TET1: variants seen among roughly 807,000 people sequenced by gnomAD.
TET1 encodes the protein methylcytosine dioxygenase TET1.
TET1 carries 13 observed loss-of-function variants against 148.7 expected under a neutral mutation model. That is an observed-to-expected ratio of 0.09 (90% CI 0.06 to 0.14). The LOEUF is 0.14. Ranked by LOEUF, TET1 falls within the 10% of genes least tolerant of loss-of-function variation. The pLI is 1.00. For synonymous variants in TET1, 907 were observed against 937.2 expected (o/e 0.97, Z 0.59); for missense variants, 2,182 against 2,553.8 (o/e 0.85, Z 3.14).
Position 68,691,964 on chromosome 10 carries a change from G to A in TET1, c.*150G>A. On this transcript the variant is annotated 3_prime_UTR_variant, in exon 12 of 12. Coordinates refer to ENST00000373644, the MANE Select transcript of TET1 (RefSeq NM_030625.3). The surrounding 1 kb of genome is among the most constrained non-coding windows in gnomAD (Gnocchi z 4.4). ...TAATAATGATAACAAAACGGGGTGG[G>A]TATTCTTAACTGTGACTATATTTTG... 1.1e-6 allele frequency: 1 copy of A among 940,892 alleles called. No individual in the cohort carries two copies. The highest frequency in any genetic ancestry group is 1.6e-5 in the African/African-American group (1 of 60,890). The allele number at this position is 940,892 out of a possible 1,614,324, so 58.3% of individuals were successfully genotyped here.
chr10:68,609,500 T>C (rs116433119), intron 3 of TET1, among the ~76,000 whole-genome samples: 3,980 of 152,286 alleles, frequency 0.026, 169 homozygotes, highest in African/African-American at 0.09. Context: ...GAGACCAGGT[T>C]TCCCTGTGTT....
chr10:68,585,052 T>G (rs1341798962), intron 2 of TET1, among the ~76,000 whole-genome samples: 1 of 152,134 alleles, frequency 6.6e-6, no homozygotes, highest in African/African-American at 2.4e-5. Flanking sequence ...TTGCCCAGTC[T>G]TGAGTGCAAT....
chr10:68,658,144 T>C (rs1221655574), intron 6 of TET1, among the ~76,000 whole-genome samples: 1 of 152,220 alleles, frequency 6.6e-6, no homozygotes, highest in East Asian at 1.9e-4. Flanking sequence ...TCTCCATGTA[T>C]ATGCTTAGGT....
chr10:68,582,232 T>C (rs898892800), intron 2 of TET1, among the ~76,000 whole-genome samples: 3 of 152,132 alleles, frequency 2.0e-5, no homozygotes, highest in Non-Finnish European at 4.4e-5. Flanking sequence ...CCCGAGTAGC[T>C]GGGATTACAG....
Position 68,645,201 on chromosome 10 carries a change from A to G in TET1, c.2472A>G (p.Val824=), listed in dbSNP as rs201893869. The G allele has an allele frequency of 6.2e-7, 1 of 1,614,174 alleles. No homozygotes were observed. Among genetic ancestry groups the G allele is most frequent in the East Asian group, 2.2e-5 (1 of 44,880 alleles). ...TCAAGGGGAGAAGTAACGTTTTAGTATTCCAGCAGCCTGGCTTTAACTGCA... is the reference window on the plus strand; with the variant it reads ...TCAAGGGGAGAAGTAACGTTTTAGTGTTCCAGCAGCCTGGCTTTAACTGCA... ...DHLKGRSNVL[V]FQQPGFNCSS... is the part of the protein sequence containing the mutation. Residue 824 remains valine (V), a synonymous_variant, in exon 4 of 12, where the codon GTA becomes GTG. Coordinates refer to ENST00000373644, the MANE Select transcript of TET1 (RefSeq NM_030625.3).
At position 68,655,912 on chromosome 10, in the gene TET1, C is replaced by A. The variant is rs1421155737; in HGVS notation, c.4461+3318C>A. The stretch of plus-strand genomic sequence containing the variant: ...AGCTTCATCTGTATTTACAGCCACT[C>A]CTCATTGCTAGTATTACCACCTGAG... On this transcript the variant is annotated intron_variant, in intron 6 of 11. Coordinates refer to ENST00000373644, the MANE Select transcript of TET1 (RefSeq NM_030625.3). Among the ~76,000 whole-genome samples the A allele has an allele frequency of 3.3e-5, 5 of 152,064 alleles. 1 individual carries two copies. Among genetic ancestry groups the A allele is most frequent in the African/African-American group, 1.2e-4 (5 of 41,406 alleles).
At chr10:68,678,117 A>T (rs2055386423) in intron 8 of TET1, among the ~76,000 whole-genome samples, 1 of 152,128 alleles carries the variant, frequency 6.6e-6, no homozygotes, top group African/African-American at 2.4e-5. Flanking sequence ...CTTGAATGAG[A>T]TCCCTCTAGA....
rs993518490 is a variant in TET1 at position 68,586,491 on chromosome 10, T to TG, written c.1914+12239_1914+12240insG. On this transcript the variant is annotated intron_variant, in intron 2 of 11. Coordinates refer to ENST00000373644, the MANE Select transcript of TET1 (RefSeq NM_030625.3). ...TTGCACCCAGCCAGCTAACGTTTTT[T>TG]TTTTTTTTTTAATTTTTATTTTTTG... 1.3e-4 allele frequency among the ~76,000 whole-genome samples: 20 copies of TG among 150,178 alleles called. No homozygotes were observed. In the South Asian group the frequency reaches 1.7e-3, roughly 13 times the overall value.
chr10:68,669,420 C>T (rs1438307404), intron 7 of TET1, among the ~76,000 whole-genome samples: 4 of 150,756 alleles, frequency 2.7e-5, no homozygotes, highest in Non-Finnish European at 5.9e-5. Flanking sequence ...ACGCCATTCT[C>T]CTGTCTCAGC....
intron 2 of TET1, among the ~76,000 whole-genome samples, chr10:68,592,265 G>A (rs1007074858): frequency 2.0e-5 from 3 of 152,112 alleles, no homozygotes; most frequent in Admixed American, 2.0e-4. Flanking sequence ...GCAGTGAGCC[G>A]AGATCGTGCC....
Position 68,624,845 on chromosome 10 carries a change from A to C in TET1, c.1969-19853A>C, listed in dbSNP as rs1346620160. ...CTTCCGGGTTCACGCCATTCTCCTGACTCAGCCTCCCGAGTAGCTGGGACT... is the reference window on the plus strand; with the variant it reads ...CTTCCGGGTTCACGCCATTCTCCTGCCTCAGCCTCCCGAGTAGCTGGGACT... On this transcript the variant is annotated intron_variant, in intron 3 of 11. Transcript: ENST00000373644. Among the ~76,000 whole-genome samples the C allele has an allele frequency of 2.8e-5, 4 of 140,594 alleles. 1 individual carries two copies. Among genetic ancestry groups the C allele is most frequent in the South Asian group, 4.9e-4 (2 of 4,096 alleles). The allele number at this position is 140,594 out of a possible 152,430, so 92.2% of individuals were successfully genotyped here.
chr10:68,651,216 G>A (rs1462084142), intron 4 of TET1, among the ~76,000 whole-genome samples: 1 of 152,066 alleles, frequency 6.6e-6, no homozygotes, highest in Admixed American at 6.6e-5. Flanking sequence ...AATTTTCCCA[G>A]CACTTTGGGA....
rs773710392 is a variant in TET1, at chr10:68,690,759, C to T, written c.5405-49C>T. 24 of 1,515,328 alleles carry T rather than the reference C, an allele frequency of 1.6e-5. No individual in the cohort carries two copies. The East Asian group carries it at 3.6e-4, about 23-fold the overall frequency. The allele number at this position is 1,515,328 out of a possible 1,614,324, so 93.9% of individuals were successfully genotyped here. On this transcript the variant is annotated intron_variant, in intron 11 of 11. Transcript: ENST00000373644. The stretch of plus-strand genomic sequence containing the variant: ...GAAAATACTTTTTAAAAGGCAACCC[C>T]TACCAAAAGTAATTTGTATTTTTCT...
intron 3 of TET1, among the ~76,000 whole-genome samples, chr10:68,604,010 G>T (rs1212059983): frequency 6.6e-6 from 1 of 152,100 alleles, no homozygotes; most frequent in African/African-American, 2.4e-5. Flanking sequence ...GTGATCACTA[G>T]TTATTTTCAT....
intron 2 of TET1, among the ~76,000 whole-genome samples, chr10:68,598,647 G>A (rs1295499809): frequency 6.6e-6 from 1 of 151,440 alleles, no homozygotes; most frequent in African/African-American, 2.4e-5. Flanking sequence ...TACAAGTGTT[G>A]CAGGAAGAGT....
intron 1 of TET1, among the ~76,000 whole-genome samples, chr10:68,571,689 C>T (rs1490688128): frequency 1.3e-5 from 2 of 152,178 alleles, no homozygotes; most frequent in Non-Finnish European, 2.9e-5. Context: ...TGAGCCACCG[C>T]ACCTGGCCAC....
chr10:68,648,714 C>T (rs1239102113), intron 4 of TET1, among the ~76,000 whole-genome samples: 1 of 152,172 alleles, frequency 6.6e-6, no homozygotes, highest in Admixed American at 6.5e-5. Context: ...CCAAAGTACA[C>T]TTGTTGTTCT....
rs2053696390 is a variant in TET1, at chr10:68,573,691, G to A, written c.1353G>A (p.Glu451=). ...ATFNAPSKWP[E]PQSTVSYGLA... is the part of the protein sequence containing the mutation. ...TTAATGCTCCTTCCAAATGGCCTGA[G>A]CCCCAAAGCACTGTCTCATATGGAC... The change falls in exon 2 of 12, where the codon GAG becomes GAA. Residue 451 remains glutamate (E), a synonymous_variant. Transcript: ENST00000373644. The A allele has an allele frequency of 1.2e-6, 2 of 1,613,988 alleles. No individual in the cohort carries two copies. Among genetic ancestry groups the A allele is most frequent in the Non-Finnish European group, 8.5e-7 (1 of 1,180,026 alleles).
At chr10:68,642,381 C>T (rs2054770585) in intron 3 of TET1, among the ~76,000 whole-genome samples, 1 of 151,988 alleles carries the variant, frequency 6.6e-6, no homozygotes, top group Non-Finnish European at 1.5e-5. Context: ...CTACAGTGAG[C>T]CGTTATCGTG....
Sources: allele counts gnomAD v4.1 joint callset (sites outside exome capture counted in the v4.1 genomes callset), GRCh38; gene constraint gnomAD v4.1.1; non-coding constraint Gnocchi (gnomAD v3.1); transcripts MANE v1.5; gene names NCBI Gene and HGNC (gene_info 2026-07-23, HGNC 2026-07-21).